TBC1D22A: variants seen among roughly 807,000 people sequenced by gnomAD.
The protein encoded by TBC1D22A is TBC1 domain family member 22A.
TBC1D22A carries 38 observed loss-of-function variants against 60.2 expected under a neutral mutation model. The observed-to-expected ratio is 0.63, with a 90% confidence interval of 0.49 to 0.83. The LOEUF (loss-of-function observed/expected upper bound fraction) is 0.83. Ranked by LOEUF, TBC1D22A falls within the 40% of genes least tolerant of loss-of-function variation. The probability of loss-of-function intolerance (pLI) is 0.00; values close to 1 mark genes in which losing one functional copy is unlikely to be tolerated. For synonymous variants in TBC1D22A, 302 were observed against 281.7 expected (o/e 1.07, Z -0.72); for missense variants, 628 against 701.0 (o/e 0.90, Z 1.18).
chr22:46,867,868 C>T (rs1214469785), intron 4 of TBC1D22A, among the ~76,000 whole-genome samples: 1 of 152,218 alleles, frequency 6.6e-6, no homozygotes. Context: ...TTAAAAAAGC[C>T]ACCCGGCAGA....
intron 1 of TBC1D22A, chr22:46,768,010 G>A (rs1414213917): frequency 6.5e-6 from 1 of 152,866 alleles, no homozygotes; most frequent in Non-Finnish European, 1.5e-5. Flanking sequence ...TCTGCATTAG[G>A]TTTAATGGGA....
chr22:46,887,033 C>G (rs1302694249), intron 5 of TBC1D22A, among the ~76,000 whole-genome samples: 2 of 152,196 alleles, frequency 1.3e-5, no homozygotes, highest in African/African-American at 4.8e-5. Context: ...AGGAACTTCT[C>G]TTCATCAAAG....
chr22:46,786,247 T>C (rs1263314614), intron 1 of TBC1D22A, among the ~76,000 whole-genome samples: 1 of 151,882 alleles, frequency 6.6e-6, no homozygotes, highest in African/African-American at 2.4e-5. Context: ...ATCATATGCT[T>C]TTTCTGCATC....
intron 5 of TBC1D22A, among the ~76,000 whole-genome samples, chr22:46,885,253 C>T (rs1022724840): frequency 6.6e-6 from 1 of 152,136 alleles, no homozygotes; most frequent in African/African-American, 2.4e-5. Context: ...CCCAGGTCTT[C>T]GGTGACTTGG....
chr22:47,035,119 A>G (rs1406314193), intron 10 of TBC1D22A, among the ~76,000 whole-genome samples: 2 of 151,980 alleles, frequency 1.3e-5, no homozygotes. Flanking sequence ...AAGCCAACCA[A>G]CCCCCTGCTG....
chr22:47,174,578 C>T lies in TBC1D22A; in HGVS notation c.*952C>T, dbSNP rs922692882. 1 of 152,270 alleles carries T rather than the reference C, an allele frequency of 6.6e-6. No homozygotes were observed. The highest frequency in any genetic ancestry group is 1.5e-5 in the Non-Finnish European group (1 of 68,112). The allele number at this position is 152,270 out of a possible 1,614,324, so 9.4% of individuals were successfully genotyped here. On this transcript the variant is annotated 3_prime_UTR_variant, in exon 13 of 13. Transcript: ENST00000337137. The stretch of plus-strand genomic sequence containing the variant: ...ACTTGCTGTCCTTGTCCAGGTCTGC[C>T]AGGTGTAGGGGAGGTGTGACTGGTT...
At chr22:46,875,141 C>G (rs1227952744) in intron 4 of TBC1D22A, among the ~76,000 whole-genome samples, 2 of 152,192 alleles carry the variant, frequency 1.3e-5, no homozygotes, top group East Asian at 1.9e-4. Context: ...TGGTAAAAAT[C>G]AGTGACACAG....
At chr22:46,958,490 G>A (rs920751019) in intron 8 of TBC1D22A, among the ~76,000 whole-genome samples, 12 of 152,198 alleles carry the variant, frequency 7.9e-5, no homozygotes, top group South Asian at 2.1e-4. Context: ...CTGGGTGTCC[G>A]TCTCACCGTT....
At chr22:46,995,012 C>T (rs191645802) in intron 9 of TBC1D22A, among the ~76,000 whole-genome samples, 165 of 152,322 alleles carry the variant, frequency 1.1e-3, no homozygotes, top group Admixed American at 5.2e-3. Context: ...CCCTCTCAGC[C>T]GGACAGGTGC....
intron 4 of TBC1D22A, among the ~76,000 whole-genome samples, chr22:46,826,778 A>G (rs552587415): frequency 6.6e-6 from 1 of 152,136 alleles, no homozygotes; most frequent in African/African-American, 2.4e-5. Flanking sequence ...GTGACTGGAC[A>G]ATCCCATAGC....
chr22:46,946,130 C>T (rs1039821924), intron 8 of TBC1D22A, among the ~76,000 whole-genome samples: 1 of 152,180 alleles, frequency 6.6e-6, no homozygotes, highest in Non-Finnish European at 1.5e-5. Flanking sequence ...AGTGTTGCTA[C>T]CAGCTTCCTC....
intron 10 of TBC1D22A, among the ~76,000 whole-genome samples, chr22:47,034,229 C>T (rs1343210003): frequency 6.6e-6 from 1 of 152,188 alleles, no homozygotes; most frequent in Non-Finnish European, 1.5e-5. Flanking sequence ...TGCAGCCCTC[C>T]CCTCCCTCAG....
chr22:46,796,916 G>A (rs945386658), intron 3 of TBC1D22A, among the ~76,000 whole-genome samples: 1 of 152,218 alleles, frequency 6.6e-6, no homozygotes, highest in Non-Finnish European at 1.5e-5. Context: ...GGCAGGTGGC[G>A]GGGTTGGGCA....
At chr22:47,098,424 A>AC (rs2065268841) in intron 11 of TBC1D22A, among the ~76,000 whole-genome samples, 1 of 152,120 alleles carries the variant, frequency 6.6e-6, no homozygotes, top group African/African-American at 2.4e-5. Context: ...TGATGCTGCC[A>AC]CCCCCAGGTG....
intron 12 of TBC1D22A, among the ~76,000 whole-genome samples, chr22:47,158,743 A>C (rs1410797734): frequency 6.6e-6 from 1 of 152,106 alleles, no homozygotes; most frequent in African/African-American, 2.4e-5. Context: ...GCGGAGCCTC[A>C]CATCTCAGGA....
At chr22:46,992,034 A>T (rs136137) in intron 9 of TBC1D22A, among the ~76,000 whole-genome samples, 63,593 of 152,054 alleles carry the variant, frequency 0.42, 14,849 homozygotes, top group African/African-American at 0.64. Context: ...TTGCCTGGCG[A>T]GTGATGAACA....
chr22:46,895,040 A>G (rs746548803), intron 7 of TBC1D22A, among the ~76,000 whole-genome samples, 194 bp downstream of exon 7: 4 of 152,240 alleles, frequency 2.6e-5, no homozygotes, highest in Non-Finnish European at 5.9e-5. Context: ...TTTTTACTGT[A>G]TAATATTGAC....
chr22:47,156,682 C>T (rs1475017012), intron 12 of TBC1D22A, among the ~76,000 whole-genome samples: 1 of 152,134 alleles, frequency 6.6e-6, no homozygotes, highest in Non-Finnish European at 1.5e-5. Flanking sequence ...GGGGGTGTCC[C>T]TCTCTACCCT....
chr22:47,110,032 C>G (rs2065790106), intron 11 of TBC1D22A, among the ~76,000 whole-genome samples: 1 of 152,122 alleles, frequency 6.6e-6, no homozygotes. Flanking sequence ...GATCTGTACC[C>G]CAGATGTTCC....
Sources: allele counts gnomAD v4.1 joint callset (sites outside exome capture counted in the v4.1 genomes callset), GRCh38; gene constraint gnomAD v4.1.1; transcripts MANE v1.5; gene names NCBI Gene and HGNC (gene_info 2026-07-23, HGNC 2026-07-21).